LUZP1: variants seen among roughly 807,000 people sequenced by gnomAD.
LUZP1 encodes leucine zipper protein 1.
Under a neutral mutation model 71.3 loss-of-function variants are expected in LUZP1, and 25 were observed. The observed-to-expected ratio is 0.35, with a 90% CI of 0.26 to 0.49. The LOEUF is 0.49. Among genes scored for constraint, LUZP1 ranks in the 20% least tolerant of loss-of-function variants. The pLI is 0.99. For missense variants in LUZP1, 1,142 were observed against 1,300.8 expected, an observed-to-expected ratio of 0.88 and a Z score of 1.88; for synonymous variants, 481 against 506.4, an observed-to-expected ratio of 0.95 and a Z score of 0.67.
chr1:23,163,892 A>C (rs1644489261), intron 2 of LUZP1: 1 of 152,120 alleles, frequency 6.6e-6, no homozygotes, highest in Non-Finnish European at 1.5e-5. Context: ...CAGTTCCCTC[A>C]TTTATAAAAT....
chr1:23,087,101 T>C (rs749502188), exon 5 of LUZP1: 14 of 152,050 alleles, frequency 9.2e-5, no homozygotes, highest in African/African-American at 3.4e-4. Flanking sequence ...TTGGGTACTT[T>C]CCATAATACC....
chr1:23,153,276 C>CT (rs374607473), intron 2 of LUZP1, among the ~76,000 whole-genome samples: 249 of 152,352 alleles, frequency 1.6e-3, no homozygotes, highest in African/African-American at 5.7e-3. Context: ...CGTCTAATCT[C>CT]TATCTTTGCC....
chr1:23,092,886 G>A (rs1340801758), exon 4 of LUZP1: 6 of 1,613,758 alleles, frequency 3.7e-6, no homozygotes, highest in South Asian at 1.1e-5. Flanking sequence ...GCTCTGGGAG[G>A]AGCCGGGTAC....
chr1:23,102,122 G>A (rs1230425495), intron 3 of LUZP1, among the ~76,000 whole-genome samples: 1 of 152,116 alleles, frequency 6.6e-6, no homozygotes, highest in Non-Finnish European at 1.5e-5. Context: ...TGGGGTCTGG[G>A]AAGGAAACTG....
intron 3 of LUZP1, among the ~76,000 whole-genome samples, chr1:23,096,130 GA>G (rs66618384): frequency 0.79 from 105,795 of 134,352 alleles, 41,003 homozygotes; most frequent in Non-Finnish European, 0.82. Flanking sequence ...AAGAAGGAAT[GA>G]AAAAAAAAAA....
At chr1:23,173,438 C>CCT (rs1221793584) in intron 1 of LUZP1, among the ~76,000 whole-genome samples, 1 of 143,446 alleles carries the variant, frequency 7.0e-6, no homozygotes, top group Non-Finnish European at 1.5e-5. Context: ...CACTACAACT[C>CCT]CTCTTCCCAG....
intron 2 of LUZP1, among the ~76,000 whole-genome samples, chr1:23,110,633 CAT>C (rs56065150): frequency 0.42 from 51,178 of 120,868 alleles, 8,820 homozygotes; most frequent in Non-Finnish European, 0.47. Context: ...AACGCGCACA[CAT>C]ACACACACAC....
exon 5 of LUZP1, chr1:23,085,759 A>G (rs1268897357): frequency 6.6e-6 from 1 of 152,210 alleles, no homozygotes; most frequent in African/African-American, 2.4e-5. Flanking sequence ...TTTAACCCAC[A>G]CTGTGACTCT....
Position 23,136,295 on chromosome 1 carries a change from A to AACACACACACAC in LUZP1, c.-225-27180_-225-27169dup, listed in dbSNP as rs10578041. ...GCTGAGGCGGGCAGATTCCGTCTTA[A>AACACACACACAC]ACACACACACACACACACACACACA... On this transcript the variant is annotated intron_variant, in intron 2 of 4. Coordinates refer to ENST00000302291, the Ensembl canonical transcript of LUZP1. Among the ~76,000 whole-genome samples, 1,001 of 130,222 alleles carry AACACACACACAC rather than the reference A, an allele frequency of 7.7e-3. 4 individuals are homozygous for AACACACACACAC. The highest frequency in any genetic ancestry group is 0.013 in the African/African-American group (450 of 33,630). The allele number at this position is 130,222 out of a possible 152,430, so 85.4% of individuals were successfully genotyped here.
At chr1:23,104,711 T>C (rs1643966318) in intron 3 of LUZP1, among the ~76,000 whole-genome samples, 1 of 152,234 alleles carries the variant, frequency 6.6e-6, no homozygotes, top group Non-Finnish European at 1.5e-5. Flanking sequence ...AGGAACCTTA[T>C]AAATGTTTTG....
intron 2 of LUZP1, among the ~76,000 whole-genome samples, chr1:23,111,108 G>C (rs1644027524): frequency 6.7e-6 from 1 of 148,702 alleles, no homozygotes; most frequent in Non-Finnish European, 1.5e-5. Context: ...GCTGAGGCAA[G>C]AGAACCTCTT....
At chr1:23,084,516 G>C (rs189664800) in exon 5 of LUZP1, 1 of 152,164 alleles carries the variant, frequency 6.6e-6, no homozygotes, top group Non-Finnish European at 1.5e-5. Context: ...ATCCTTATCT[G>C]CAAAGTCCCT....
intron 2 of LUZP1, among the ~76,000 whole-genome samples, chr1:23,136,905 A>G (rs1644259129): frequency 6.6e-6 from 1 of 152,100 alleles, no homozygotes; most frequent in Non-Finnish European, 1.5e-5. Flanking sequence ...GCGACAGAGC[A>G]AGACTCCATC....
At chr1:23,108,420 A>G (rs1644000894) in intron 3 of LUZP1, among the ~76,000 whole-genome samples, 1 of 822 alleles carries the variant, frequency 1.2e-3, no homozygotes. Flanking sequence ...ACCAGCCTGG[A>G]CAATACAGAG....
chr1:23,129,027 T>C (rs1174702982), intron 2 of LUZP1, among the ~76,000 whole-genome samples: 1 of 152,232 alleles, frequency 6.6e-6, no homozygotes, highest in Non-Finnish European at 1.5e-5. Flanking sequence ...TTAAAGGCTA[T>C]AGCATCACTC....
chr1:23,139,098 TTATA>T (rs1241629768), intron 2 of LUZP1, among the ~76,000 whole-genome samples: 1 of 144,408 alleles, frequency 6.9e-6, no homozygotes, highest in African/African-American at 2.6e-5. Flanking sequence ...TATATATAGA[TTATA>T]TATAGATATA....
chr1:23,142,448 C>T (rs1325992867), intron 2 of LUZP1, among the ~76,000 whole-genome samples: 2 of 152,058 alleles, frequency 1.3e-5, no homozygotes, highest in Non-Finnish European at 2.9e-5. Context: ...TTGCCTCCCA[C>T]TTTGAAAGCA....
At chr1:23,092,701 T>C (rs1301301030) in exon 4 of LUZP1, 1 of 1,614,104 alleles carries the variant, frequency 6.2e-7, no homozygotes, top group East Asian at 2.2e-5. Flanking sequence ...AATGGGTCAC[T>C]GGGAACAGAT....
chr1:23,124,491 T>C (rs1012579176), intron 2 of LUZP1, among the ~76,000 whole-genome samples: 3 of 152,234 alleles, frequency 2.0e-5, no homozygotes, highest in African/African-American at 7.2e-5. Context: ...TTCTCCTCTG[T>C]TGCTTTGTGG....
Sources: allele counts gnomAD v4.1 joint callset (sites outside exome capture counted in the v4.1 genomes callset), GRCh38; gene constraint gnomAD v4.1.1; transcripts MANE v1.5; gene names NCBI Gene and HGNC (gene_info 2026-07-23, HGNC 2026-07-21).